The following MAP4K4 variants were observed in gnomAD, a reference collection of about 807,000 sequenced individuals.
MAP4K4 encodes HPK/GCK-like kinase HGK.
A neutral mutation model predicts 189.6 loss-of-function variants in MAP4K4; 38 were observed. The ratio of observed to expected loss-of-function variants is 0.20; its 90% CI spans 0.15 to 0.26. The LOEUF is 0.26. Among genes scored for constraint, MAP4K4 ranks in the 10% least tolerant of loss-of-function variants. The pLI is 1.00. For missense variants in MAP4K4, 1,054 were observed against 1,726.9 expected (o/e 0.61, Z 6.91); for synonymous variants, 610 against 624.3 (o/e 0.98, Z 0.34).
At chr2:101,732,722 G>T (rs2059001913) in intron 2 of MAP4K4, among the ~76,000 whole-genome samples, 1 of 152,184 alleles carries the variant, frequency 6.6e-6, no homozygotes, top group African/African-American at 2.4e-5. Context: ...CTGAGTAGCT[G>T]GGACTACAGG....
chr2:101,797,888 A>ATTTTTTTTTTTTTTTTTT (rs1558971586), intron 3 of MAP4K4, among the ~76,000 whole-genome samples: 1 of 7,620 alleles, frequency 1.3e-4, no homozygotes, highest in African/African-American at 7.1e-4. Context: ...ACATTCTTTT[A>ATTTTTTTTTTTTTTTTTT]GTTTTTTTTT....
At chr2:101,715,717 A>G (rs987797976) in intron 2 of MAP4K4, among the ~76,000 whole-genome samples, 3 of 152,178 alleles carry the variant, frequency 2.0e-5, no homozygotes, top group African/African-American at 7.2e-5. Context: ...TTTAAACTAA[A>G]AAATACATAG....
At chr2:101,887,543 C>G (rs1247430603) in intron 30 of MAP4K4, among the ~76,000 whole-genome samples, 2 of 152,126 alleles carry the variant, frequency 1.3e-5, no homozygotes, top group Non-Finnish European at 2.9e-5. Flanking sequence ...TCAATTGGAG[C>G]CCAGCATCCA....
intron 1 of MAP4K4, 64 bp downstream of exon 1, chr2:101,698,201 GC>G: frequency 1.2e-6 from 1 of 801,068 alleles, no homozygotes; most frequent in Non-Finnish European, 1.5e-6. Flanking sequence ...CCGGGGCCGC[GC>G]CCAGGTCGGC....
rs1333927807 is a variant in MAP4K4, at chr2:101,876,993, C to T, written c.3242-10C>T. On this transcript the variant is annotated splice_polypyrimidine_tract_variant and intron_variant, in intron 26 of 32. Transcript: ENST00000324219. ...CATAAAATTGAGGCCTTTCTGTGTC[C>T]CTGAAACAGGAGTGAATTTGCTAGT... The T allele has an allele frequency of 1.9e-6, 3 of 1,613,548 alleles. No individual in the cohort carries two copies. The highest frequency in any genetic ancestry group is 1.7e-6 in the Non-Finnish European group (2 of 1,179,754).
At chr2:101,878,438 C>T (rs1577284569) in intron 27 of MAP4K4, among the ~76,000 whole-genome samples, 2 of 152,220 alleles carry the variant, frequency 1.3e-5, no homozygotes, top group East Asian at 3.9e-4. Context: ...TTGTCCAAAA[C>T]ACGTAGTCTG....
At chr2:101,732,077 C>T (rs1251302443) in intron 2 of MAP4K4, among the ~76,000 whole-genome samples, 1 of 152,034 alleles carries the variant, frequency 6.6e-6, no homozygotes, top group East Asian at 1.9e-4. Flanking sequence ...GTATGTAAAA[C>T]AACACTGAAG....
chr2:101,880,866 A>G (rs977017514), intron 27 of MAP4K4, among the ~76,000 whole-genome samples: 1 of 152,102 alleles, frequency 6.6e-6, no homozygotes, highest in Non-Finnish European at 1.5e-5. Context: ...TTTTTGTGCT[A>G]ATAACCACAC....
chr2:101,783,180 G>A (rs902827358), intron 2 of MAP4K4, among the ~76,000 whole-genome samples: 4 of 149,438 alleles, frequency 2.7e-5, no homozygotes, highest in Non-Finnish European at 5.9e-5. Flanking sequence ...CTAGCTCTCT[G>A]GGATTTCTTT....
At chr2:101,860,801 A>G (rs2097628056) in intron 15 of MAP4K4, 24 bp from the exon 16 acceptor site, 1 of 1,585,196 alleles carries the variant, frequency 6.3e-7, no homozygotes, top group Non-Finnish European at 8.6e-7. Context: ...ACACTGAGTT[A>G]TGTCTTCTAA....
intron 2 of MAP4K4, among the ~76,000 whole-genome samples, chr2:101,732,289 C>T (rs1444136941): frequency 6.6e-6 from 1 of 152,072 alleles, no homozygotes; most frequent in Non-Finnish European, 1.5e-5. Flanking sequence ...ACTGATTACC[C>T]CTCAGGAGTG....
chr2:101,828,133 G>C (rs1490872165), intron 5 of MAP4K4, among the ~76,000 whole-genome samples: 1 of 152,194 alleles, frequency 6.6e-6, no homozygotes, highest in Non-Finnish European at 1.5e-5. Flanking sequence ...CAGGAAAACA[G>C]GCATTGTTCC....
chr2:101,720,212 C>A (rs1355537442), intron 2 of MAP4K4, among the ~76,000 whole-genome samples: 1 of 144,436 alleles, frequency 6.9e-6, no homozygotes, highest in African/African-American at 2.6e-5. Flanking sequence ...AGACCCCTGT[C>A]GCCCAGGCTA....
At chr2:101,825,382 A>G (rs1388049230) in exon 5 of MAP4K4, 1 of 1,613,776 alleles carries the variant, frequency 6.2e-7, no homozygotes, top group South Asian at 1.1e-5. Context: ...CAAAGGGAAC[A>G]CACTCAAAGA....
chr2:101,771,066 A>C (rs1009889526), intron 2 of MAP4K4, among the ~76,000 whole-genome samples: 6 of 152,256 alleles, frequency 3.9e-5, no homozygotes, highest in Admixed American at 6.5e-5. Context: ...GCTTTTAAAA[A>C]GTAATAAAAT....
At chr2:101,863,735 A>T in intron 16 of MAP4K4, 86 bp from the exon 17 acceptor site, 1 of 850,858 alleles carries the variant, frequency 1.2e-6, no homozygotes, top group Non-Finnish European at 1.8e-6. Context: ...CGCCTCTGCC[A>T]GTTCCTGCTT....
chr2:101,797,418 T>C (rs1408809681), intron 3 of MAP4K4: 1 of 1,289,480 alleles, frequency 7.8e-7, no homozygotes, highest in Non-Finnish European at 1.0e-6. Context: ...TGACAGTCTG[T>C]ATCCCCCTCC....
intron 28 of MAP4K4, 94 bp from the exon 29 acceptor site, chr2:101,885,093 T>C: frequency 1.8e-6 from 1 of 545,740 alleles, no homozygotes. Context: ...AGAAGGCATA[T>C]TTATAAAGTT....
At chr2:101,747,474 G>A (rs1421117978) in intron 2 of MAP4K4, among the ~76,000 whole-genome samples, 1 of 152,170 alleles carries the variant, frequency 6.6e-6, no homozygotes, top group African/African-American at 2.4e-5. Context: ...TTGGGAAGGG[G>A]AGAGTGATGT....
Sources: gnomAD v4.1 joint callset for allele counts (sites outside exome capture counted in the v4.1 genomes callset) on GRCh38, gnomAD v4.1.1 for gene constraint, MANE v1.5 for transcripts, NCBI Gene and HGNC (gene_info 2026-07-23, HGNC 2026-07-21) for gene names.